Variants in CADM2 observed in about 807,000 individuals in gnomAD.
The protein encoded by CADM2 is immunoglobulin superfamily member 4D.
In CADM2, 12 loss-of-function variants were observed where a neutral mutation model predicts 49.8. The ratio of observed to expected loss-of-function variants is 0.24; its 90% confidence interval spans 0.15 to 0.39. The LOEUF is 0.39. CADM2 is among the 10% of genes least tolerant of loss of function. CADM2 has a pLI of 1.00. For missense variants in CADM2, 378 were observed against 492.3 expected (o/e 0.77, Z 2.20); for synonymous variants, 214 against 175.4 (o/e 1.22, Z -1.74).
At chr3:85,684,905 G>A (rs534803711) in intron 1 of CADM2, among the ~76,000 whole-genome samples, 28 of 152,272 alleles carry the variant, frequency 1.8e-4, no homozygotes, top group Non-Finnish European at 3.7e-4. Flanking sequence ...AAATCATCTT[G>A]TGAGCCTTTT....
intron 1 of CADM2, among the ~76,000 whole-genome samples, chr3:85,027,763 T>G (rs1320641889): frequency 1.3e-5 from 2 of 152,278 alleles, no homozygotes; most frequent in East Asian, 3.9e-4. Context: ...ACATTTGAGA[T>G]AGGTATATTA....
At position 85,030,408 on chromosome 3, in the gene CADM2, C is replaced by T. The variant is rs79219185; in HGVS notation, c.61+70740C>T. On this transcript the variant is annotated intron_variant, in intron 1 of 9. Transcript: ENST00000383699. Reference sequence around the variant, plus strand: ...TTGTAAGACACTGGTAAAGACAATGCCAAGGACATACGACCAGCATATTTT... The same window carrying T: ...TTGTAAGACACTGGTAAAGACAATGTCAAGGACATACGACCAGCATATTTT... Among the ~76,000 whole-genome samples the T allele has an allele frequency of 4.9e-3, 747 of 152,258 alleles. 6 individuals carry two copies. Among genetic ancestry groups the T allele is most frequent in the African/African-American group, 0.017 (718 of 41,526 alleles).
intron 1 of CADM2, among the ~76,000 whole-genome samples, chr3:85,139,327 A>G (rs1230964606): frequency 7.2e-5 from 11 of 152,172 alleles, no homozygotes; most frequent in East Asian, 1.9e-4. Context: ...GAACTATTCA[A>G]TTATATCCCC....
intron 1 of CADM2, among the ~76,000 whole-genome samples, chr3:85,490,939 T>C (rs2039644996): frequency 1.3e-5 from 2 of 152,272 alleles, no homozygotes; most frequent in South Asian, 4.1e-4. Context: ...GCCACATCTA[T>C]GCAGATGCAG....
chr3:85,934,962 TAAAG>T (rs1415327793), intron 6 of CADM2, among the ~76,000 whole-genome samples: 1 of 152,000 alleles, frequency 6.6e-6, no homozygotes, highest in African/African-American at 2.4e-5. Context: ...CAAAGCCTCA[TAAAG>T]AAAGAATGTG....
At chr3:86,057,102 A>G in intron 8 of CADM2, among the ~76,000 whole-genome samples, 1 of 152,102 alleles carries the variant, frequency 6.6e-6, no homozygotes, top group Non-Finnish European at 1.5e-5. Context: ...AGTATTCTTA[A>G]GCGTTTTTGT....
At chr3:85,216,828 T>C (rs1486604978) in intron 1 of CADM2, among the ~76,000 whole-genome samples, 3 of 152,118 alleles carry the variant, frequency 2.0e-5, no homozygotes, top group African/African-American at 4.8e-5. Context: ...CCAACTCTAA[T>C]ATATTTTCTT....
chr3:85,062,074 T>G (rs1215528829), intron 1 of CADM2, among the ~76,000 whole-genome samples: 1 of 151,314 alleles, frequency 6.6e-6, no homozygotes, highest in African/African-American at 2.4e-5. Flanking sequence ...TCTCTCTCAC[T>G]CATACACACA....
intron 1 of CADM2, among the ~76,000 whole-genome samples, chr3:85,603,534 G>A (rs1327430161): frequency 6.6e-6 from 1 of 151,802 alleles, no homozygotes; most frequent in African/African-American, 2.4e-5. Context: ...TGCTGTTACT[G>A]AACTAAACAT....
At position 85,731,900 on chromosome 3, in the gene CADM2, A is replaced by AT. The variant is rs551430716; in HGVS notation, c.88+5360dup. ...AAATTAAGTAATGAGGCCATAATAT[A>AT]TTTTTTTTGAAAATATCACTTAACT... On this transcript the variant is annotated intron_variant, in intron 2 of 9. Transcript: ENST00000383699. Among the ~76,000 whole-genome samples the AT allele has an allele frequency of 1.6e-3, 241 of 151,658 alleles. 1 individual carries two copies. Among genetic ancestry groups the AT allele is most frequent in the African/African-American group, 5.5e-3 (228 of 41,392 alleles).
At chr3:85,539,490 C>T (rs542558726) in intron 1 of CADM2, among the ~76,000 whole-genome samples, 27 of 152,146 alleles carry the variant, frequency 1.8e-4, no homozygotes, top group African/African-American at 6.5e-4. Context: ...ATCCCTAGCA[C>T]CCCTACTAAA....
chr3:85,788,797 T>C (rs2068266168), intron 2 of CADM2, among the ~76,000 whole-genome samples: 1 of 152,076 alleles, frequency 6.6e-6, no homozygotes, highest in Non-Finnish European at 1.5e-5. Context: ...TCATATTTTC[T>C]ATATTCACAT....
chr3:85,307,600 A>C (rs576404260), intron 1 of CADM2, among the ~76,000 whole-genome samples: 2 of 151,822 alleles, frequency 1.3e-5, no homozygotes, highest in Non-Finnish European at 3.0e-5. Flanking sequence ...GGTCTCAAAC[A>C]TGCTTCTTTG....
At chr3:85,450,206 C>T (rs549326558) in intron 1 of CADM2, among the ~76,000 whole-genome samples, 4 of 151,960 alleles carry the variant, frequency 2.6e-5, no homozygotes, top group Non-Finnish European at 5.9e-5. Context: ...GTAAAAGATC[C>T]GGAGTGATTT....
At chr3:85,704,028 G>A (rs2066862435) in intron 1 of CADM2, among the ~76,000 whole-genome samples, 1 of 152,048 alleles carries the variant, frequency 6.6e-6, no homozygotes, top group South Asian at 2.1e-4. Context: ...TAGTCAACTT[G>A]CTTTTTATAA....
rs780576524 is a variant in CADM2, at chr3:86,065,639, C to A, written c.1005C>A (p.Asp335Glu). ...PNALAGQNGP[D>E]HALIGGIVAV... ...CTTTGGCTGGCCAGAATGGCCCTGA[C>A]CATGCTCTCATAGGAGGAATAGTGG... is the stretch of plus-strand genomic sequence containing the variant. Residue 335 changes from aspartate to glutamate, a missense_variant, in exon 9 of 10, where the codon GAC becomes GAA. Physicochemically the swap from Asp to Glu is conservative, Grantham distance 45. Transcript: ENST00000383699. 4 of 1,613,896 alleles carry A rather than the reference C, an allele frequency of 2.5e-6. No homozygotes were observed. In the Admixed American group the frequency reaches 5.0e-5, roughly 20 times the overall value.
intron 1 of CADM2, among the ~76,000 whole-genome samples, chr3:85,167,786 A>G (rs1700458273): frequency 6.6e-6 from 1 of 152,326 alleles, no homozygotes; most frequent in South Asian, 2.1e-4. Flanking sequence ...AAGGTATGCA[A>G]AAAGTAAAAA....
intron 8 of CADM2, chr3:86,014,380 C>CT (rs1397879016): frequency 6.8e-7 from 1 of 1,461,690 alleles, no homozygotes; most frequent in Admixed American, 2.3e-5. Flanking sequence ...GGTAGCTTGA[C>CT]TGTAGTACTG....
rs1164652848 is a variant in CADM2 at position 86,072,010 on chromosome 3, A to T, written c.*5227A>T. On this transcript the variant is annotated 3_prime_UTR_variant, in exon 10 of 10. Coordinates refer to ENST00000383699, the MANE Select transcript of CADM2 (RefSeq NM_001167675.2). ...TGCACGAGACAAATTTAAGTATTTT[A>T]AAAATCATCCTTATTAATAAATAAT... 1 of 72,814 alleles carries T rather than the reference A, an allele frequency of 1.4e-5. No individual in the cohort carries two copies. Among genetic ancestry groups the T allele is most frequent in the Non-Finnish European group, 2.2e-5 (1 of 44,662 alleles). The allele number at this position is 72,814 out of a possible 1,614,324, so 4.5% of individuals were successfully genotyped here.
Sources: gnomAD v4.1 joint callset for allele counts (sites outside exome capture counted in the v4.1 genomes callset) on GRCh38, gnomAD v4.1.1 for gene constraint, MANE v1.5 for transcripts, NCBI Gene and HGNC (gene_info 2026-07-23, HGNC 2026-07-21) for gene names.